CYYR1: variants seen among roughly 807,000 people sequenced by gnomAD.
CYYR1 encodes cysteine and tyrosine rich 1, also known as cysteine and tyrosine-rich protein 1.
Under a neutral mutation model 15.2 loss-of-function variants are expected in CYYR1, and 14 were observed. The observed-to-expected ratio is 0.92, with a 90% confidence interval of 0.61 to 1.44. The LOEUF (loss-of-function observed/expected upper bound fraction) is 1.44, where lower values mean the gene tolerates loss of function less well. Ranked by LOEUF, CYYR1 falls within the 40% of genes most tolerant of loss-of-function variation. The pLI is 0.00. For synonymous variants in CYYR1, 80 were observed against 77.4 expected (o/e 1.03, Z -0.18); for missense variants, 228 against 209.5 (o/e 1.09, Z -0.54).
At chr21:26,479,358 C>A (rs2065143095) in intron 3 of CYYR1, among the ~76,000 whole-genome samples, 1 of 148,864 alleles carries the variant, frequency 6.7e-6, no homozygotes, top group Admixed American at 6.7e-5. Context: ...AATACAAATA[C>A]AAAGCACAGT....
intron 3 of CYYR1, chr21:26,471,114 T>C (rs1280518011): frequency 2.0e-5 from 3 of 152,288 alleles, no homozygotes; most frequent in Middle Eastern, 6.8e-3. Context: ...CTCTGCATTA[T>C]ACCCACGCCT....
intron 2 of CYYR1, among the ~76,000 whole-genome samples, chr21:26,512,470 G>C (rs976971013): frequency 6.6e-5 from 10 of 152,142 alleles, no homozygotes; most frequent in African/African-American, 1.9e-4. Flanking sequence ...CCAAAGTGCT[G>C]GGATCACAGC....
intron 2 of CYYR1, among the ~76,000 whole-genome samples, chr21:26,533,740 G>A (rs1263200408): frequency 6.6e-6 from 1 of 152,150 alleles, no homozygotes. Context: ...TGCTATTGCT[G>A]TTGTTATTGC....
At chr21:26,479,711 C>T (rs1013022910) in intron 3 of CYYR1, among the ~76,000 whole-genome samples, 1 of 151,876 alleles carries the variant, frequency 6.6e-6, no homozygotes, top group African/African-American at 2.4e-5. Flanking sequence ...TGAGTTTCTC[C>T]AAGTTGGCCA....
chr21:26,569,571 G>A (rs1036383563), intron 1 of CYYR1, among the ~76,000 whole-genome samples: 2 of 152,068 alleles, frequency 1.3e-5, no homozygotes, highest in African/African-American at 4.8e-5. Flanking sequence ...ATCTGCACAT[G>A]TACTCCCTGA....
At chr21:26,567,375 A>T (rs896788821) in intron 1 of CYYR1, among the ~76,000 whole-genome samples, 5 of 152,342 alleles carry the variant, frequency 3.3e-5, no homozygotes, top group African/African-American at 1.2e-4. Context: ...AAGGGGGAAG[A>T]GTTATTTTCT....
intron 2 of CYYR1, among the ~76,000 whole-genome samples, chr21:26,498,415 G>A (rs2065435810): frequency 2.6e-5 from 4 of 152,194 alleles, no homozygotes; most frequent in Admixed American, 2.0e-4. Context: ...GAGTATTCAA[G>A]GAGAGGAAAC....
intron 2 of CYYR1, among the ~76,000 whole-genome samples, chr21:26,518,015 C>T (rs531796785): frequency 1.6e-4 from 25 of 152,288 alleles, no homozygotes; most frequent in African/African-American, 5.3e-4. Context: ...TAACAACGAA[C>T]CTTTGTTTCT....
At chr21:26,506,415 A>G (rs748692512) in intron 2 of CYYR1, among the ~76,000 whole-genome samples, 5 of 152,082 alleles carry the variant, frequency 3.3e-5, no homozygotes, top group Non-Finnish European at 7.4e-5. Context: ...AAATACTGTT[A>G]TTTTTGACTG....
intron 3 of CYYR1, chr21:26,470,542 T>C (rs1375234514): frequency 6.6e-6 from 1 of 152,232 alleles, no homozygotes; most frequent in Non-Finnish European, 1.5e-5. Context: ...CTTTCTGTCT[T>C]GTGCTGGCCA....
At chr21:26,543,536 T>G (rs1480973849) in intron 2 of CYYR1, among the ~76,000 whole-genome samples, 1 of 152,212 alleles carries the variant, frequency 6.6e-6, no homozygotes, top group Non-Finnish European at 1.5e-5. Context: ...TGTGCTACTT[T>G]GGCACCTCAG....
intron 2 of CYYR1, among the ~76,000 whole-genome samples, chr21:26,512,764 T>C (rs2065667319): frequency 6.6e-6 from 1 of 152,154 alleles, no homozygotes. Flanking sequence ...AGTTACAACA[T>C]AGACCACGTG....
intron 2 of CYYR1, among the ~76,000 whole-genome samples, chr21:26,516,811 C>A (rs1443026602): frequency 6.6e-6 from 1 of 152,018 alleles, no homozygotes; most frequent in African/African-American, 2.4e-5. Flanking sequence ...CAATGTTTAG[C>A]CAGGATTTAA....
chr21:26,529,505 T>A (rs887313880), intron 2 of CYYR1, among the ~76,000 whole-genome samples: 1 of 152,220 alleles, frequency 6.6e-6, no homozygotes, highest in African/African-American at 2.4e-5. Context: ...CTCTTAGCTT[T>A]GCCTAAAATG....
chr21:26,545,746 AT>A (rs905927339), intron 2 of CYYR1, among the ~76,000 whole-genome samples: 125 of 150,568 alleles, frequency 8.3e-4, no homozygotes, highest in Middle Eastern at 6.8e-3. Context: ...CGCCCGGCTA[AT>A]TTTTTTTGTA....
intron 2 of CYYR1, among the ~76,000 whole-genome samples, chr21:26,512,447 C>G (rs1266808022): frequency 6.6e-6 from 1 of 152,126 alleles, no homozygotes; most frequent in Non-Finnish European, 1.5e-5. Context: ...AAGTGATCCA[C>G]CTGCCTTGGC....
rs901643070 is a variant in CYYR1, at chr21:26,475,315, A to G, written c.334+4957T>C. ...CACGAGCAAAAAAGAACATCCTTTG[A>G]CCACCAAGTCTACAACTCATTGAAA... is the stretch of plus-strand genomic sequence containing the variant. On this transcript the variant is annotated intron_variant, in intron 3 of 3. Coordinates refer to ENST00000652641, the MANE Select transcript of CYYR1 (RefSeq NM_001320768.2). Among the ~76,000 whole-genome samples, 3 of 151,666 alleles carry G rather than the reference A, an allele frequency of 2.0e-5. No individual in the cohort carries two copies. In the East Asian group the frequency reaches 5.8e-4, roughly 29 times the overall value.
intron 2 of CYYR1, among the ~76,000 whole-genome samples, chr21:26,538,084 T>C (rs1478185930): frequency 1.3e-5 from 2 of 152,336 alleles, no homozygotes; most frequent in East Asian, 3.9e-4. Context: ...TGAGCCTTCA[T>C]CAGGTATTGC....
chr21:26,565,870 T>C (rs895847814), intron 2 of CYYR1, among the ~76,000 whole-genome samples: 1 of 152,276 alleles, frequency 6.6e-6, no homozygotes, highest in African/African-American at 2.4e-5. Context: ...ATTAAATTAA[T>C]ACATGATGAC....
Sources: allele counts gnomAD v4.1 joint callset (sites outside exome capture counted in the v4.1 genomes callset), GRCh38; gene constraint gnomAD v4.1.1; transcripts MANE v1.5; gene names NCBI Gene and HGNC (gene_info 2026-07-23, HGNC 2026-07-21).